Variants in LMO7 observed in about 807,000 individuals in gnomAD.
The protein encoded by LMO7 is LIM domain only protein 7.
In LMO7, 120 loss-of-function variants were observed where a neutral mutation model predicts 206.5. The ratio of observed to expected loss-of-function variants is 0.58; its 90% CI spans 0.50 to 0.68. The LOEUF is 0.68. LMO7 is among the 30% of genes least tolerant of loss of function. The probability of loss-of-function intolerance (pLI) is 0.00; values close to 1 mark genes in which losing one functional copy is unlikely to be tolerated. For missense variants in LMO7, 1,959 were observed against 1,957.9 expected, an observed-to-expected ratio of 1.00 and a Z score of -0.01; for synonymous variants, 706 against 681.5, an observed-to-expected ratio of 1.04 and a Z score of -0.56.
chr13:75,727,894 C>G (rs182870794), intron 3 of LMO7, among the ~76,000 whole-genome samples: 3 of 151,332 alleles, frequency 2.0e-5, no homozygotes, highest in Non-Finnish European at 4.4e-5. Flanking sequence ...TTTGTCCTTG[C>G]GATAGTTTAC....
rs1465560401 is a variant in LMO7 at position 75,808,085 on chromosome 13, C to T, written c.1802C>T (p.Thr601Ile). ...RKIQSWKLGT[T>I]VPPISFTPGP... ...ATTCAGTCCTGGAAACTGGGAACTA[C>T]CGTGCCTCCCATCAGTTTCACCCCT... Residue 601 changes from threonine (T) to isoleucine (I), a missense_variant, in exon 10 of 31, where the codon ACC becomes ATC. Coordinates refer to ENST00000377534, the MANE Select transcript of LMO7 (RefSeq NM_001306080.2). 1 of 1,613,928 alleles carries T rather than the reference C, an allele frequency of 6.2e-7. No individual in the cohort carries two copies. Among genetic ancestry groups the T allele is most frequent in the Non-Finnish European group, 8.5e-7 (1 of 1,179,870 alleles).
intron 23 of LMO7, 129 bp from the exon 24 acceptor site, chr13:75,841,499 A>G (rs1192610121): frequency 1.5e-6 from 1 of 680,780 alleles, no homozygotes; most frequent in Non-Finnish European, 2.5e-6. Context: ...AAAACTCTTA[A>G]CATGTTTTTT....
intron 1 of LMO7, among the ~76,000 whole-genome samples, chr13:75,712,724 G>A (rs1190564919): frequency 6.6e-6 from 1 of 152,108 alleles, no homozygotes; most frequent in South Asian, 2.1e-4. Context: ...GCCCTCTGCT[G>A]TTTAGCTTTG....
intron 1 of LMO7, among the ~76,000 whole-genome samples, chr13:75,686,067 C>T (rs559169135): frequency 3.3e-5 from 5 of 151,836 alleles, no homozygotes; most frequent in South Asian, 2.1e-4. Context: ...TCAGTAGAGA[C>T]GTGGTCTCAC....
chr13:75,851,541 A>G (rs1185508203), intron 27 of LMO7, among the ~76,000 whole-genome samples: 1 of 152,192 alleles, frequency 6.6e-6, no homozygotes, highest in East Asian at 1.9e-4. Context: ...TCCTTATGAT[A>G]ATGTATCACT....
intron 3 of LMO7, among the ~76,000 whole-genome samples, chr13:75,745,673 C>T (rs375017360): frequency 2.0e-5 from 3 of 152,168 alleles, no homozygotes; most frequent in Non-Finnish European, 4.4e-5. Flanking sequence ...AGATTGCTCT[C>T]CCTACTGTGA....
At chr13:75,753,479 C>T (rs1417200725) in intron 3 of LMO7, among the ~76,000 whole-genome samples, 1 of 152,102 alleles carries the variant, frequency 6.6e-6, no homozygotes, top group Non-Finnish European at 1.5e-5. Context: ...ACATTCTTTG[C>T]CTAGACTAGT....
At chr13:75,709,111 T>C (rs1278146836) in intron 1 of LMO7, among the ~76,000 whole-genome samples, 2 of 152,186 alleles carry the variant, frequency 1.3e-5, no homozygotes, top group East Asian at 1.9e-4. Context: ...TCCATGTCCC[T>C]AAAAAGGACA....
intron 1 of LMO7, among the ~76,000 whole-genome samples, chr13:75,699,979 C>T (rs2042171410): frequency 1.3e-5 from 2 of 152,188 alleles, no homozygotes; most frequent in Non-Finnish European, 2.9e-5. Context: ...CATTCTTTTC[C>T]CAGGGCTGTT....
At chr13:75,820,624 C>T (rs139382527) in intron 13 of LMO7, among the ~76,000 whole-genome samples, 3 of 151,934 alleles carry the variant, frequency 2.0e-5, no homozygotes, top group African/African-American at 4.8e-5. Flanking sequence ...TAATAATATC[C>T]CAGTGAAGTA....
At chr13:75,799,381 C>T (rs549457717) in intron 6 of LMO7, among the ~76,000 whole-genome samples, 2 of 152,324 alleles carry the variant, frequency 1.3e-5, no homozygotes, top group African/African-American at 4.8e-5. Context: ...GCTTTATCTA[C>T]ATATGTGTTT....
chr13:75,632,662 G>T (rs1006989992), upstream of LMO7, among the ~76,000 whole-genome samples: 2 of 152,108 alleles, frequency 1.3e-5, no homozygotes, highest in Non-Finnish European at 2.9e-5. Context: ...CTGGGCTGCC[G>T]CCCCCAAAGC....
chr13:75,835,145 C>T, intron 17 of LMO7, 88 bp from the exon 18 acceptor site: 23 of 1,557,762 alleles, frequency 1.5e-5, no homozygotes, highest in Non-Finnish European at 1.9e-5. Flanking sequence ...CTTCATGTGC[C>T]AATCAGACTG....
At chr13:75,731,672 A>T (rs1455369685) in intron 3 of LMO7, among the ~76,000 whole-genome samples, 1 of 151,554 alleles carries the variant, frequency 6.6e-6, no homozygotes, top group Non-Finnish European at 1.5e-5. Context: ...ACCTGTCATT[A>T]TGATGTTAGC....
intron 3 of LMO7, among the ~76,000 whole-genome samples, chr13:75,749,926 G>A (rs571283106): frequency 5.9e-5 from 9 of 151,548 alleles, no homozygotes; most frequent in African/African-American, 1.5e-4. Flanking sequence ...AACTATTGAC[G>A]TTGGATCTCT....
At chr13:75,719,119 A>G (rs2043807022) in intron 2 of LMO7, among the ~76,000 whole-genome samples, 1 of 151,820 alleles carries the variant, frequency 6.6e-6, no homozygotes, top group South Asian at 2.1e-4. Flanking sequence ...AGCTGGGACT[A>G]CAGGCACGCA....
intron 2 of LMO7, among the ~76,000 whole-genome samples, chr13:75,624,816 C>T (rs2138682648): frequency 6.6e-6 from 1 of 152,296 alleles, no homozygotes; most frequent in South Asian, 2.1e-4. Flanking sequence ...CCTCCCATGA[C>T]ACATGGGAAT....
At chr13:75,838,395 G>T in intron 20 of LMO7, 199 bp downstream of exon 20, 1 of 1,460,990 alleles carries the variant, frequency 6.8e-7, no homozygotes, top group South Asian at 1.2e-5. Flanking sequence ...TGTGGTAATG[G>T]GTCTTTGTGT....
chr13:75,828,190 A>G (rs961450062), intron 15 of LMO7, among the ~76,000 whole-genome samples: 1 of 152,196 alleles, frequency 6.6e-6, no homozygotes, highest in African/African-American at 2.4e-5. Flanking sequence ...AAAGAAGGCA[A>G]TTACTGGGCA....
Sources: gnomAD v4.1 joint callset for allele counts (sites outside exome capture counted in the v4.1 genomes callset) on GRCh38, gnomAD v4.1.1 for gene constraint, MANE v1.5 for transcripts, NCBI Gene and HGNC (gene_info 2026-07-23, HGNC 2026-07-21) for gene names.